The following PAK1 variants were observed in gnomAD, a reference collection of about 807,000 sequenced individuals.
PAK1 encodes the protein p21 (RAC1) activated kinase 1, also known as serine/threonine-protein kinase PAK 1.
Under a neutral mutation model 67.4 loss-of-function variants are expected in PAK1, and 29 were observed. The observed-to-expected ratio is 0.43, with a 90% CI of 0.32 to 0.59. The LOEUF is 0.59. Ranked by LOEUF, PAK1 falls within the 20% of genes least tolerant of loss-of-function variation. The pLI is 0.07. For missense variants in PAK1, 337 were observed against 670.7 expected (o/e 0.50, Z 5.50); for synonymous variants, 223 against 237.4 (o/e 0.94, Z 0.56).
At chr11:77,405,384 C>T (rs1035649781) in intron 1 of PAK1, among the ~76,000 whole-genome samples, 1 of 151,998 alleles carries the variant, frequency 6.6e-6, no homozygotes, top group Non-Finnish European at 1.5e-5. Context: ...GGAGAACAGG[C>T]TGCAGGGGAA....
the PAK1 span, among the ~76,000 whole-genome samples, chr11:77,514,464 C>A: frequency 1.3e-5 from 2 of 152,274 alleles, no homozygotes; most frequent in South Asian, 4.1e-4. Flanking sequence ...CACCGCACAC[C>A]AGCCTGGGCG....
intron 14 of PAK1, among the ~76,000 whole-genome samples, chr11:77,328,165 G>C (rs1940514644): frequency 6.6e-6 from 1 of 152,104 alleles, no homozygotes; most frequent in African/African-American, 2.4e-5. Flanking sequence ...AAGAGACTTA[G>C]ACTCCAACAC....
chr11:77,478,944 G>A (rs1424104221), upstream of PAK1, among the ~76,000 whole-genome samples: 1 of 151,268 alleles, frequency 6.6e-6, no homozygotes, highest in Non-Finnish European at 1.5e-5. Flanking sequence ...AATTAGCTGG[G>A]CGTGGTGGCA....
rs542547080 is a variant in PAK1, at chr11:77,456,572, A to T, written c.-22+16980T>A. ...GTTTTGAGGGCAGGGCTATAAATTA[A>T]AGCAGAAGTCATTTAAAATCATTTT... On this transcript the variant is annotated intron_variant, in intron 1 of 14. Transcript: ENST00000356341. 3.9e-5 allele frequency among the ~76,000 whole-genome samples: 6 copies of T among 152,268 alleles called. No individual in the cohort carries two copies. The South Asian group carries it at 6.2e-4, about 16-fold the overall frequency.
chr11:77,334,191 TAA>T (rs1565580599), intron 13 of PAK1, among the ~76,000 whole-genome samples: 7 of 149,936 alleles, frequency 4.7e-5, no homozygotes, highest in African/African-American at 1.2e-4. Context: ...AAAATAAAAA[TAA>T]AAAAATAAAA....
intron 1 of PAK1, among the ~76,000 whole-genome samples, chr11:77,408,924 C>G (rs1181716428): frequency 6.6e-6 from 1 of 151,832 alleles, no homozygotes; most frequent in African/African-American, 2.4e-5. Context: ...CAAATCAAAA[C>G]CATAATGTGA....
At chr11:77,498,793 C>T in the PAK1 span, among the ~76,000 whole-genome samples, 1 of 146,658 alleles carries the variant, frequency 6.8e-6, no homozygotes, top group South Asian at 2.1e-4. Context: ...CTCCGCCTCC[C>T]ATGTTCAAGC....
chr11:77,472,105 T>C (rs886075590), intron 1 of PAK1, among the ~76,000 whole-genome samples: 2 of 152,202 alleles, frequency 1.3e-5, no homozygotes, highest in African/African-American at 2.4e-5. Context: ...TGAATCCCCA[T>C]AGCCTTAGCA....
the PAK1 span, among the ~76,000 whole-genome samples, chr11:77,521,720 T>C: frequency 6.6e-6 from 1 of 152,218 alleles, no homozygotes; most frequent in Non-Finnish European, 1.5e-5. Flanking sequence ...TTGGCTTGGT[T>C]AGCTCCCTTG....
chr11:77,484,905 C>A, the PAK1 span, among the ~76,000 whole-genome samples: 1 of 152,214 alleles, frequency 6.6e-6, no homozygotes, highest in Non-Finnish European at 1.5e-5. Context: ...GCCTCACAAT[C>A]ACGGCAGAAG....
the PAK1 span, among the ~76,000 whole-genome samples, chr11:77,490,339 AGCCCCCC>A: frequency 2.1e-3 from 266 of 128,214 alleles, 1 homozygote; most frequent in African/African-American, 5.9e-3. Flanking sequence ...TGGGGGGGTC[AGCCCCCC>A]ACCCGGCCAG....
At chr11:77,410,407 G>A (rs1954325117) in intron 1 of PAK1, among the ~76,000 whole-genome samples, 2 of 152,200 alleles carry the variant, frequency 1.3e-5, no homozygotes, top group South Asian at 4.1e-4. Flanking sequence ...AGTAAAGAGA[G>A]AGAATGGTCC....
At chr11:77,396,799 C>T (rs1172909311) in intron 1 of PAK1, among the ~76,000 whole-genome samples, 3 of 152,304 alleles carry the variant, frequency 2.0e-5, no homozygotes, top group African/African-American at 7.2e-5. Flanking sequence ...GGTTTCTATA[C>T]TACTTTCCAG....
intron 1 of PAK1, among the ~76,000 whole-genome samples, chr11:77,442,379 C>G (rs956708977): frequency 6.6e-6 from 1 of 152,176 alleles, no homozygotes; most frequent in Non-Finnish European, 1.5e-5. Flanking sequence ...GTTTTGATTA[C>G]TCTCCTCTCT....
In PAK1 at chr11:77,395,755, T is replaced by C. The variant is rs200750846; in HGVS notation, c.-21-3214A>G. ...CCACCTTTGGCAAACCAACTGCTCC[T>C]TCTCTTTTTGAACAAAAGAAATCAA... is the stretch of plus-strand genomic sequence containing the variant. On this transcript the variant is annotated intron_variant, in intron 1 of 14. Transcript: ENST00000356341. 5.9e-5 allele frequency among the ~76,000 whole-genome samples: 9 copies of C among 152,308 alleles called. No individual in the cohort carries two copies. The East Asian group carries it at 1.3e-3, about 23-fold the overall frequency.
At chr11:77,359,154 T>A in intron 5 of PAK1, 137 bp from the exon 6 acceptor site, 1 of 725,640 alleles carries the variant, frequency 1.4e-6, no homozygotes, top group Non-Finnish European at 2.2e-6. Context: ...GCTCTCACCT[T>A]TGTGTAGCTA....
At chr11:77,519,469 G>A in the PAK1 span, among the ~76,000 whole-genome samples, 1 of 152,144 alleles carries the variant, frequency 6.6e-6, no homozygotes, top group South Asian at 2.1e-4. Context: ...CCATAAAGGG[G>A]GCATCTCAAG....
At chr11:77,388,001 CA>C (rs1393998208) in intron 2 of PAK1, among the ~76,000 whole-genome samples, 1 of 152,204 alleles carries the variant, frequency 6.6e-6, no homozygotes, top group Non-Finnish European at 1.5e-5. Context: ...TTATAGCCAT[CA>C]AGGGTCTTAA....
intron 1 of PAK1, among the ~76,000 whole-genome samples, chr11:77,456,837 GTT>G (rs1957102462): frequency 6.6e-6 from 1 of 151,892 alleles, no homozygotes; most frequent in Non-Finnish European, 1.5e-5. Flanking sequence ...CACCTCCCAG[GTT>G]CATGCCGTTT....
Sources: gnomAD v4.1 joint callset for allele counts (sites outside exome capture counted in the v4.1 genomes callset) on GRCh38, gnomAD v4.1.1 for gene constraint, MANE v1.5 for transcripts, NCBI Gene and HGNC (gene_info 2026-07-23, HGNC 2026-07-21) for gene names.